Variants in GRID1 observed in about 807,000 individuals in gnomAD.
GRID1 encodes glutamate receptor ionotropic, delta-1.
In GRID1, 28 loss-of-function variants were observed where a neutral mutation model predicts 98.0. The ratio of observed to expected loss-of-function variants is 0.29; its 90% confidence interval spans 0.21 to 0.39. GRID1 has a LOEUF of 0.39. GRID1 is among the 10% of genes least tolerant of loss of function. The pLI, the probability that GRID1 is intolerant of heterozygous loss-of-function variation, is 1.00. For synonymous variants in GRID1, 553 were observed against 538.5 expected, an observed-to-expected ratio of 1.03 and a Z score of -0.37; for missense variants, 1,111 against 1,340.5, an observed-to-expected ratio of 0.83 and a Z score of 2.67.
Position 86,365,287 on chromosome 10 carries a change from T to A in GRID1, c.79+1027A>T, listed in dbSNP as rs1265989916. ...TCCCGTCCTCCTCGCCTTCAACACC[T>A]CCCAACCCCCAGTTTCCCTGTGCTC... On this transcript the variant is annotated intron_variant, in intron 1 of 15. Transcript: ENST00000327946. This position sits in a 1 kb window ranked among gnomAD's most constrained non-coding sequence, Gnocchi z 4.8. Among the ~76,000 whole-genome samples the A allele has an allele frequency of 9.3e-6, 1 of 107,462 alleles. No homozygotes were observed. 70.5% of individuals were successfully genotyped at this position (107,462 alleles called of 152,430 possible).
intron 1 of GRID1, 98 bp from the exon 2 acceptor site, chr10:86,364,194 G>T: frequency 1.0e-6 from 1 of 982,300 alleles, no homozygotes; most frequent in South Asian, 1.5e-5. Flanking sequence ...GATGATTGCC[G>T]GGTGGTGGGA....
chr10:85,819,556 C>T (rs141301452), intron 8 of GRID1, among the ~76,000 whole-genome samples: 1 of 152,280 alleles, frequency 6.6e-6, no homozygotes, highest in East Asian at 1.9e-4. Flanking sequence ...TGATATGATA[C>T]AATGAGAAGG....
At chr10:85,972,868 A>G (rs1189112788) in intron 4 of GRID1, among the ~76,000 whole-genome samples, 1 of 152,214 alleles carries the variant, frequency 6.6e-6, no homozygotes, top group Non-Finnish European at 1.5e-5. Flanking sequence ...AGCAATGTAT[A>G]AAGTCACCAG....
At chr10:85,685,607 G>T (rs950295980) in intron 12 of GRID1, among the ~76,000 whole-genome samples, 2 of 152,114 alleles carry the variant, frequency 1.3e-5, no homozygotes, top group African/African-American at 4.8e-5. Flanking sequence ...TACTCTTAGA[G>T]ACAAACTAGG....
At chr10:86,075,730 C>T (rs1408603107) in intron 4 of GRID1, among the ~76,000 whole-genome samples, 5 of 152,208 alleles carry the variant, frequency 3.3e-5, no homozygotes, top group Non-Finnish European at 5.9e-5. Context: ...AAGCATGAGG[C>T]ACATGGCACT....
intron 4 of GRID1, among the ~76,000 whole-genome samples, chr10:86,119,447 G>A (rs72835262): frequency 0.018 from 2,737 of 152,256 alleles, 38 homozygotes; most frequent in Non-Finnish European, 0.027. Context: ...AATGATGTAA[G>A]AAGCTAAAAA....
intron 4 of GRID1, among the ~76,000 whole-genome samples, chr10:85,962,799 C>G (rs1170020673): frequency 2.6e-5 from 4 of 152,276 alleles, no homozygotes; most frequent in Non-Finnish European, 5.9e-5. Context: ...TCCAGATATC[C>G]TTTCTTCCTA....
intron 4 of GRID1, among the ~76,000 whole-genome samples, chr10:86,022,600 T>G (rs1484517008): frequency 1.3e-5 from 2 of 152,126 alleles, no homozygotes; most frequent in African/African-American, 2.4e-5. Flanking sequence ...GCCACTAATC[T>G]ACTGGGGAAT....
chr10:85,971,597 C>T (rs906033978), intron 4 of GRID1, among the ~76,000 whole-genome samples: 1 of 152,048 alleles, frequency 6.6e-6, no homozygotes, highest in African/African-American at 2.4e-5. Flanking sequence ...GTGAAAAATG[C>T]TCAACATCTT....
At chr10:85,625,389 T>G (rs1247459152) in intron 13 of GRID1, among the ~76,000 whole-genome samples, 1 of 152,228 alleles carries the variant, frequency 6.6e-6, no homozygotes, top group East Asian at 1.9e-4. Context: ...GAAAATCTCC[T>G]TGACATTTTT....
At chr10:86,113,767 C>T (rs887215785) in intron 4 of GRID1, among the ~76,000 whole-genome samples, 1 of 152,118 alleles carries the variant, frequency 6.6e-6, no homozygotes, top group Non-Finnish European at 1.5e-5. Flanking sequence ...TCAAGAAGAC[C>T]ACAAAGTTCA....
chr10:86,066,515 G>T (rs551825133), intron 4 of GRID1, among the ~76,000 whole-genome samples: 17 of 152,276 alleles, frequency 1.1e-4, no homozygotes, highest in African/African-American at 4.1e-4. Flanking sequence ...GTTTATAAGT[G>T]GCAGAGCTGA....
At chr10:85,957,999 G>A (rs1842216779) in intron 4 of GRID1, among the ~76,000 whole-genome samples, 1 of 152,194 alleles carries the variant, frequency 6.6e-6, no homozygotes, top group African/African-American at 2.4e-5. Flanking sequence ...CTCCCCCTAA[G>A]GGAGTCGGGA....
intron 6 of GRID1, among the ~76,000 whole-genome samples, chr10:85,865,973 A>ATG (rs1843216965): frequency 7.9e-6 from 1 of 126,514 alleles, no homozygotes; most frequent in African/African-American, 2.8e-5. Flanking sequence ...AGAGAGAGAG[A>ATG]GAGAGAGAGA....
intron 4 of GRID1, among the ~76,000 whole-genome samples, chr10:86,033,952 G>A (rs942114775): frequency 6.6e-6 from 1 of 152,162 alleles, no homozygotes. Context: ...CTGCCCCTAT[G>A]GAAACTGAGG....
chr10:85,688,675 G>A (rs1049901314), intron 12 of GRID1, among the ~76,000 whole-genome samples: 2 of 152,230 alleles, frequency 1.3e-5, no homozygotes, highest in African/African-American at 4.8e-5. Context: ...AACAAGGACA[G>A]GCTGGGGTTA....
intron 6 of GRID1, among the ~76,000 whole-genome samples, chr10:85,867,508 G>T (rs1219753792): frequency 6.6e-6 from 1 of 152,174 alleles, no homozygotes; most frequent in Non-Finnish European, 1.5e-5. Context: ...GAGCCCCATT[G>T]TTTAAGGCCA....
chr10:86,330,798 G>A (rs1040205433), intron 2 of GRID1, among the ~76,000 whole-genome samples: 3 of 152,210 alleles, frequency 2.0e-5, no homozygotes, highest in Non-Finnish European at 4.4e-5. Context: ...GGAGCAGCAC[G>A]TCCAGGAAGC....
chr10:85,750,129 T>C (rs1463524981), intron 8 of GRID1, among the ~76,000 whole-genome samples: 1 of 152,224 alleles, frequency 6.6e-6, no homozygotes, highest in Non-Finnish European at 1.5e-5. Flanking sequence ...ATCATTACCA[T>C]AAATTATAAA....
Sources: gnomAD v4.1 joint callset for allele counts (sites outside exome capture counted in the v4.1 genomes callset) on GRCh38, gnomAD v4.1.1 for gene constraint, Gnocchi (gnomAD v3.1) non-coding constraint, MANE v1.5 for transcripts, NCBI Gene and HGNC (gene_info 2026-07-23, HGNC 2026-07-21) for gene names.